TRPM2: variants seen among roughly 807,000 people sequenced by gnomAD.
TRPM2 encodes the protein transient receptor potential cation channel subfamily M member 2.
A neutral mutation model predicts 174.0 loss-of-function variants in TRPM2; 161 were observed. The observed-to-expected ratio is 0.93, with a 90% CI of 0.81 to 1.05. TRPM2 has a LOEUF of 1.05. TRPM2 is among the 50% of genes least tolerant of loss of function. The pLI is 0.00. For missense variants in TRPM2, 2,057 were observed against 2,038.0 expected, an observed-to-expected ratio of 1.01 and a Z score of -0.18; for synonymous variants, 954 against 861.3, an observed-to-expected ratio of 1.11 and a Z score of -1.88.
chr21:44,407,741 G>A (rs1785444), intron 19 of TRPM2, among the ~76,000 whole-genome samples: 106,844 of 151,324 alleles, frequency 0.71, 38,278 homozygotes, highest in East Asian at 0.77. Context: ...CCGTTTTCAA[G>A]GTTTGTCACC....
At chr21:44,369,083 C>T (rs2048443983) in intron 4 of TRPM2, 94 bp from the exon 5 acceptor site, 1 of 1,304,390 alleles carries the variant, frequency 7.7e-7, no homozygotes, top group South Asian at 1.6e-5. Context: ...GGGGGCGGGG[C>T]ATCGCTGAGC....
intron 8 of TRPM2, among the ~76,000 whole-genome samples, chr21:44,379,568 G>T (rs2048814113): frequency 6.6e-6 from 1 of 152,268 alleles, no homozygotes; most frequent in Non-Finnish European, 1.5e-5. Context: ...ATGGCTGTGG[G>T]TCGCAGGGTC....
chr21:44,370,499 G>A (rs1046372847), intron 5 of TRPM2, among the ~76,000 whole-genome samples: 4 of 152,190 alleles, frequency 2.6e-5, no homozygotes, highest in East Asian at 1.9e-4. Context: ...GGTATGATGC[G>A]TGTGTGCCCC....
chr21:44,433,059 G>A (rs2051086160), intron 27 of TRPM2, among the ~76,000 whole-genome samples: 1 of 152,194 alleles, frequency 6.6e-6, no homozygotes, highest in South Asian at 2.1e-4. Context: ...GGTGGGAGGA[G>A]GGCAGCATGG....
intron 9 of TRPM2, among the ~76,000 whole-genome samples, chr21:44,386,588 TGAAA>T (rs1209119426): frequency 6.6e-6 from 1 of 151,932 alleles, no homozygotes; most frequent in East Asian, 1.9e-4. Context: ...CTGAAAGAAA[TGAAA>T]GAAGACATAA....
chr21:44,399,369 G>A lies in TRPM2; in HGVS notation c.2136G>A (p.Trp712Ter), dbSNP rs1227795717. The A allele has an allele frequency of 2.5e-6, 4 of 1,612,724 alleles. No homozygotes were observed. Among genetic ancestry groups the A allele is most frequent in the Non-Finnish European group, 2.5e-6 (3 of 1,179,908 alleles). The change falls in exon 14 of 32, where the codon TGG (tryptophan) becomes TGA (stop). Residue 712 changes from tryptophan to a stop codon, truncating the protein, a stop_gained. Transcript: ENST00000397928. LOFTEE classifies it high-confidence loss of function. This position sits in a 1 kb window ranked among gnomAD's most constrained non-coding sequence, Gnocchi z 4.6. ...TGCTCACCCGCGTGTCCGAGGCCTG[G>A]GGGAAGACCACCTGCCTGCAGCTCG... Reference protein sequence around the residue: ...QKLLTRVSEAWGKTTCLQLAL... With the variant: ...QKLLTRVSEA
At position 44,379,192 on chromosome 21, in the gene TRPM2, A is replaced by G; in HGVS notation, c.1210A>G (p.Lys404Glu). 1 of 1,612,432 alleles carries G rather than the reference A, an allele frequency of 6.2e-7. No homozygotes were observed. The highest frequency in any genetic ancestry group is 2.2e-5 in the East Asian group (1 of 44,876). The change falls in exon 8 of 32, where the codon AAA becomes GAA. Residue 404 changes from lysine (K) to glutamate (E), a missense_variant. Transcript: ENST00000397928. ...GGAAAGCAGGATTGTCGAGTGGACC[A>G]AAAAGGTGAGGCTGACGGGCACGAC... Reference protein sequence around the residue: ...FTESRIVEWTKKIQDIVRRRQ... With the variant: ...FTESRIVEWTEKIQDIVRRRQ...
In TRPM2 at chr21:44,418,644, G is replaced by A. The variant is rs549749792; in HGVS notation, c.3461+89G>A. On this transcript the variant is annotated intron_variant, in intron 22 of 31. Coordinates refer to ENST00000397928, the MANE Select transcript of TRPM2 (RefSeq NM_003307.4). ...GCACCATGAGTACATGTCCCACCTG[G>A]GGAGGCCCAGCAATGCCTCACCGGT... 492 of 1,527,454 alleles carry A rather than the reference G, an allele frequency of 3.2e-4. 4 individuals carry two copies. In the African/African-American group the frequency reaches 6.1e-3, roughly 19 times the overall value. The allele number at this position is 1,527,454 out of a possible 1,614,324, so 94.6% of individuals were successfully genotyped here.
In TRPM2 at chr21:44,432,237, C is replaced by T. The variant is rs977984456; in HGVS notation, c.3975-2894C>T. Among the ~76,000 whole-genome samples, 1 of 152,222 alleles carries T rather than the reference C, an allele frequency of 6.6e-6. No individual in the cohort carries two copies. The highest frequency in any genetic ancestry group is 1.5e-5 in the Non-Finnish European group (1 of 68,046). ...AGTCTGAAATCAAGGACCACACTCC[C>T]TCTGAGGGCTTGAGGGGAGACCTCT... is the stretch of plus-strand genomic sequence containing the variant. On this transcript the variant is annotated intron_variant, in intron 27 of 31. Transcript: ENST00000397928. The surrounding 1 kb of genome is among the most constrained non-coding windows in gnomAD (Gnocchi z 4.9).
chr21:44,365,287 G>A (rs1419971018), intron 3 of TRPM2, among the ~76,000 whole-genome samples: 1 of 152,246 alleles, frequency 6.6e-6, no homozygotes, highest in Non-Finnish European at 1.5e-5. Flanking sequence ...GGGGAGGGTG[G>A]CACTGATCTC....
In TRPM2 at chr21:44,397,810, G is replaced by T; in HGVS notation, c.1996G>T (p.Glu666Ter). 1.2e-6 allele frequency: 2 copies of T among 1,608,592 alleles called. No homozygotes were observed. The highest frequency in any genetic ancestry group is 4.5e-5 in the East Asian group (2 of 44,750). Residue 666 changes from glutamate to a stop codon, truncating the protein, a stop_gained, in exon 13 of 32, where the codon GAG (glutamate) becomes TAG (stop). Transcript: ENST00000397928. LOFTEE classifies it high-confidence loss of function. The part of the protein sequence containing the change: ...SKILKELSKE[E>*]EDTDSSEEML... ...GATCCTGAAGGAACTGTCCAAGGAG[G>T]AGGAGGACACGGACAGCTCGGAGGA... is the stretch of plus-strand genomic sequence containing the variant.
At chr21:44,370,707 G>A (rs1187413347) in intron 5 of TRPM2, among the ~76,000 whole-genome samples, 2 of 152,246 alleles carry the variant, frequency 1.3e-5, no homozygotes, top group Non-Finnish European at 2.9e-5. Flanking sequence ...CCCGGCCTTC[G>A]CCTTCCTTTG....
chr21:44,436,596 G>T (rs1306279677), intron 28 of TRPM2, among the ~76,000 whole-genome samples: 1 of 77,420 alleles, frequency 1.3e-5, no homozygotes, highest in African/African-American at 5.5e-5. Flanking sequence ...TGTCAACCCT[G>T]GGCTGCACTC....
At chr21:44,415,967 G>T (rs1251752389) in intron 20 of TRPM2, 1 of 152,048 alleles carries the variant, frequency 6.6e-6, no homozygotes, top group African/African-American at 2.4e-5. Context: ...GAACCAGGAG[G>T]CCACGCAGAA....
In TRPM2 at chr21:44,418,201, C is replaced by T. The variant is rs552182475; in HGVS notation, c.3328+93C>T. 868 of 1,494,450 alleles carry T rather than the reference C, an allele frequency of 5.8e-4. 5 individuals carry two copies. The African/African-American group carries it at 9.0e-3, about 15-fold the overall frequency. The allele number at this position is 1,494,450 out of a possible 1,614,324, so 92.6% of individuals were successfully genotyped here. On this transcript the variant is annotated intron_variant, in intron 21 of 31. Transcript: ENST00000397928. ...TGGCAGCTCTGCCCAGAACCCTGGA[C>T]GCTCAGCAGGCGTGCAGGTCACTCA...
At chr21:44,408,165 T>C (rs1346527732) in intron 19 of TRPM2, among the ~76,000 whole-genome samples, 1 of 152,192 alleles carries the variant, frequency 6.6e-6, no homozygotes, top group South Asian at 2.1e-4. Context: ...CAGGCTGGTC[T>C]TGAACTCCTG....
Position 44,366,728 on chromosome 21 carries a change from C to T in TRPM2, c.424-26C>T. The T allele has an allele frequency of 6.2e-7, 1 of 1,613,456 alleles. No homozygotes were observed. Among genetic ancestry groups the T allele is most frequent in the Non-Finnish European group, 8.5e-7 (1 of 1,179,912 alleles). On this transcript the variant is annotated intron_variant, in intron 3 of 31. Transcript: ENST00000397928. This position sits in a 1 kb window ranked among gnomAD's most constrained non-coding sequence, Gnocchi z 6.0. ...TCCCTGACCACTGACACACAGGTTC[C>T]CTCCGCCGTTTTCCCTTTCCCGCAG...
In TRPM2 at chr21:44,399,201, G is replaced by C; in HGVS notation, c.2063-95G>C. 1 of 1,466,068 alleles carries C rather than the reference G, an allele frequency of 6.8e-7. No homozygotes were observed. The highest frequency in any genetic ancestry group is 9.2e-7 in the Non-Finnish European group (1 of 1,092,896). The allele number at this position is 1,466,068 out of a possible 1,614,324, so 90.8% of individuals were successfully genotyped here. ...TGCCCTGTGCCCTTCCCTGTGTCCTGGTGGTGCTGTCCCGAGTGGTTGCCC... is the reference window on the plus strand; with the variant it reads ...TGCCCTGTGCCCTTCCCTGTGTCCTCGTGGTGCTGTCCCGAGTGGTTGCCC... On this transcript the variant is annotated intron_variant, in intron 13 of 31. Transcript: ENST00000397928. The surrounding 1 kb of genome is among the most constrained non-coding windows in gnomAD (Gnocchi z 4.6).
At chr21:44,371,741 C>A (rs1602151121) in intron 5 of TRPM2, among the ~76,000 whole-genome samples, 3 of 152,330 alleles carry the variant, frequency 2.0e-5, no homozygotes, top group African/African-American at 7.2e-5. Context: ...CATGAGCAGG[C>A]CTTGATGTCT....
Sources: gnomAD v4.1 joint callset for allele counts (sites outside exome capture counted in the v4.1 genomes callset) on GRCh38, gnomAD v4.1.1 for gene constraint, Gnocchi (gnomAD v3.1) non-coding constraint, MANE v1.5 for transcripts, NCBI Gene and HGNC (gene_info 2026-07-23, HGNC 2026-07-21) for gene names.